SHISAL2B: variants seen among roughly 807,000 people sequenced by gnomAD.
SHISAL2B encodes shisa like 2B.
SHISAL2B carries 12 observed loss-of-function variants against 16.5 expected under a neutral mutation model. That is an observed-to-expected ratio of 0.73 (90% confidence interval 0.47 to 1.18). SHISAL2B has a LOEUF of 1.18. Ranked by LOEUF, SHISAL2B falls within the 50% of genes most tolerant of loss-of-function variation. SHISAL2B has a pLI of 0.00. For synonymous variants in SHISAL2B, 72 were observed against 75.0 expected (o/e 0.96, Z 0.21); for missense variants, 183 against 193.6 (o/e 0.95, Z 0.33).
intron 1 of SHISAL2B, chr5:64,694,242 G>T (rs941888119): frequency 2.8e-6 from 1 of 360,460 alleles, no homozygotes. Context: ...TACATTTATT[G>T]AACATTTTCT....
chr5:64,711,354 A>T (rs1286923154), intron 2 of SHISAL2B, among the ~76,000 whole-genome samples: 1 of 149,830 alleles, frequency 6.7e-6, no homozygotes, highest in Admixed American at 6.6e-5. Flanking sequence ...TGATTTGCGT[A>T]TATTGAACCA....
intron 2 of SHISAL2B, among the ~76,000 whole-genome samples, chr5:64,697,505 T>C (rs1049965497): frequency 6.6e-6 from 1 of 152,198 alleles, no homozygotes; most frequent in Non-Finnish European, 1.5e-5. Flanking sequence ...GTTACCATTA[T>C]AAAACTCAAT....
In SHISAL2B at chr5:64,718,177, G is replaced by T. The variant is rs540665982; in HGVS notation, c.*155G>T. 1 of 547,646 alleles carries T rather than the reference G, an allele frequency of 1.8e-6. No individual in the cohort carries two copies. Among genetic ancestry groups the T allele is most frequent in the Non-Finnish European group, 3.0e-6 (1 of 335,654 alleles). 33.9% of individuals were successfully genotyped at this position (547,646 alleles called of 1,614,324 possible). On this transcript the variant is annotated 3_prime_UTR_variant, in exon 3 of 3. Transcript: ENST00000389074. ...TGATCATTCAGTTACTTTATTAAACGCACATTAAGGTTTTATTGGTTTTCC... is the reference window on the plus strand; with the variant it reads ...TGATCATTCAGTTACTTTATTAAACTCACATTAAGGTTTTATTGGTTTTCC...
At chr5:64,706,022 A>G (rs539506006) in intron 2 of SHISAL2B, among the ~76,000 whole-genome samples, 4 of 152,258 alleles carry the variant, frequency 2.6e-5, no homozygotes, top group South Asian at 4.1e-4. Context: ...TTAGCTGAGC[A>G]TGTTGGTGCA....
rs1265024928 is a variant in SHISAL2B at position 64,695,622 on chromosome 5, G to T, written c.307G>T (p.Gly103Cys). 2 of 1,535,884 alleles carry T rather than the reference G, an allele frequency of 1.3e-6. No individual in the cohort carries two copies. The highest frequency in any genetic ancestry group is 2.7e-5 in the African/African-American group (2 of 72,982). The change falls in exon 2 of 3, where the codon GGC becomes TGC. Residue 103 changes from glycine to cysteine, a missense_variant. Coordinates refer to ENST00000389074, the MANE Select transcript of SHISAL2B (RefSeq NM_001164442.2). ...LYTKPQRLDT[G>C]LKLQHLEASS... ...TACGAAACCTCAAAGATTAGACACT[G>T]GCCTTAAGCTTCAACACTTAGAGGC...
intron 2 of SHISAL2B, among the ~76,000 whole-genome samples, chr5:64,703,264 T>C (rs2112063862): frequency 6.6e-6 from 1 of 152,342 alleles, no homozygotes; most frequent in Admixed American, 6.5e-5. Flanking sequence ...AATATCAGTG[T>C]TTATTTCAGA....
intron 2 of SHISAL2B, among the ~76,000 whole-genome samples, chr5:64,699,297 A>G (rs1741777554): frequency 6.6e-6 from 1 of 152,204 alleles, no homozygotes; most frequent in South Asian, 2.1e-4. Context: ...ATTTTAACCA[A>G]ATTAGATATA....
intron 2 of SHISAL2B, among the ~76,000 whole-genome samples, chr5:64,697,802 C>T (rs961349501): frequency 6.6e-6 from 1 of 152,174 alleles, no homozygotes; most frequent in African/African-American, 2.4e-5. Flanking sequence ...CACCCATATG[C>T]TCTATTTTAG....
At chr5:64,698,939 C>T (rs570771876) in intron 2 of SHISAL2B, among the ~76,000 whole-genome samples, 14 of 152,288 alleles carry the variant, frequency 9.2e-5, no homozygotes, top group South Asian at 2.1e-4. Context: ...CTCTATACAA[C>T]GCACTGTGCT....
chr5:64,702,078 CA>C (rs1741816051), intron 2 of SHISAL2B, among the ~76,000 whole-genome samples: 1 of 151,672 alleles, frequency 6.6e-6, no homozygotes, highest in Non-Finnish European at 1.5e-5. Context: ...TTCCCCTCAC[CA>C]AAAGATATAA....
At chr5:64,717,062 CTG>C (rs1190908101) in intron 2 of SHISAL2B, among the ~76,000 whole-genome samples, 1 of 152,016 alleles carries the variant, frequency 6.6e-6, no homozygotes, top group Admixed American at 6.5e-5. Flanking sequence ...GGCCACTGGA[CTG>C]TGGATTTAGC....
At chr5:64,702,286 C>T (rs898955300) in intron 2 of SHISAL2B, among the ~76,000 whole-genome samples, 4 of 152,014 alleles carry the variant, frequency 2.6e-5, no homozygotes, top group Admixed American at 1.3e-4. Context: ...CCGCAACCTC[C>T]GCCTCCCGGG....
intron 2 of SHISAL2B, among the ~76,000 whole-genome samples, chr5:64,700,008 C>G (rs1001913476): frequency 6.6e-6 from 1 of 152,172 alleles, no homozygotes; most frequent in Non-Finnish European, 1.5e-5. Context: ...GTTCCATAAC[C>G]ACCTTCTTCT....
chr5:64,707,312 G>A (rs956692354), intron 2 of SHISAL2B, among the ~76,000 whole-genome samples: 1 of 152,072 alleles, frequency 6.6e-6, no homozygotes, highest in African/African-American at 2.4e-5. Context: ...ATACCTATGA[G>A]TTGTGTAATT....
At position 64,716,591 on chromosome 5, in the gene SHISAL2B, G is replaced by A. The variant is rs535015914; in HGVS notation, c.350-1298G>A. 2.7e-4 allele frequency among the ~76,000 whole-genome samples: 41 copies of A among 152,236 alleles called. 1 individual carries two copies. The highest frequency in any genetic ancestry group is 1.0e-3 in the South Asian group (5 of 4,818). The stretch of plus-strand genomic sequence containing the variant: ...GCTGCAATTTTAAGTAATGTTTTGG[G>A]TAGGTCTTATTGAGAAGATGACTTT... On this transcript the variant is annotated intron_variant, in intron 2 of 2. Coordinates refer to ENST00000389074, the MANE Select transcript of SHISAL2B (RefSeq NM_001164442.2).
chr5:64,707,797 A>C (rs2042999480), intron 2 of SHISAL2B, among the ~76,000 whole-genome samples: 1 of 152,200 alleles, frequency 6.6e-6, no homozygotes, highest in African/African-American at 2.4e-5. Flanking sequence ...AAAAGTCAAA[A>C]AGATTACTTC....
At chr5:64,691,786 G>A (rs1394508064) in intron 1 of SHISAL2B, among the ~76,000 whole-genome samples, 3 of 152,138 alleles carry the variant, frequency 2.0e-5, no homozygotes, top group Admixed American at 6.6e-5. Flanking sequence ...CAACAATCAA[G>A]GAACGAGCTC....
intron 1 of SHISAL2B, chr5:64,691,269 A>C (rs939890064): frequency 6.3e-6 from 1 of 158,260 alleles, no homozygotes; most frequent in Admixed American, 6.5e-5. Flanking sequence ...GGAGGCTCCT[A>C]TGGGGCTCTT....
At position 64,691,911 on chromosome 5, in the gene SHISAL2B, A is replaced by G. The variant is rs77326879; in HGVS notation, c.191+1097A>G. ...TCTCCCAGTCTCCTACATGACCCAG[A>G]ATTTAACACACATGCCAAGTCTATA... is the stretch of plus-strand genomic sequence containing the variant. On this transcript the variant is annotated intron_variant, in intron 1 of 2. Transcript: ENST00000389074. Among the ~76,000 whole-genome samples, 1,112 of 152,334 alleles carry G rather than the reference A, an allele frequency of 7.3e-3. 21 individuals are homozygous for G. Among genetic ancestry groups the G allele is most frequent in the African/African-American group, 0.025 (1,043 of 41,588 alleles).
Sources: allele counts gnomAD v4.1 joint callset (sites outside exome capture counted in the v4.1 genomes callset), GRCh38; gene constraint gnomAD v4.1.1; transcripts MANE v1.5; gene names NCBI Gene and HGNC (gene_info 2026-07-23, HGNC 2026-07-21).